CCDC30: variants seen among roughly 807,000 people sequenced by gnomAD.
CCDC30 encodes coiled-coil domain-containing protein 30.
CCDC30 carries 70 observed loss-of-function variants against 100.2 expected under a neutral mutation model. That is an observed-to-expected ratio of 0.70 (90% CI 0.58 to 0.85). The LOEUF is 0.85. CCDC30 is among the 40% of genes least tolerant of loss of function. The probability of loss-of-function intolerance (pLI) is 0.00; values close to 1 mark genes in which losing one functional copy is unlikely to be tolerated. For missense variants in CCDC30, 652 were observed against 771.2 expected, an observed-to-expected ratio of 0.85 and a Z score of 1.83; for synonymous variants, 233 against 269.5, an observed-to-expected ratio of 0.86 and a Z score of 1.33.
At chr1:42,563,404 A>G (rs112608634) in intron 6 of CCDC30, among the ~76,000 whole-genome samples, 1,837 of 151,954 alleles carry the variant, frequency 0.012, 30 homozygotes, top group African/African-American at 0.041. Flanking sequence ...GGAGTTGAAC[A>G]TTGAGAATAC....
chr1:42,531,229 C>A (rs1207092460), intron 6 of CCDC30, among the ~76,000 whole-genome samples: 1 of 152,078 alleles, frequency 6.6e-6, no homozygotes, highest in Non-Finnish European at 1.5e-5. Flanking sequence ...GTAACACGTG[C>A]CTCCTTCCTC....
At chr1:42,469,984 C>A (rs1219337618) in intron 1 of CCDC30, among the ~76,000 whole-genome samples, 3 of 152,100 alleles carry the variant, frequency 2.0e-5, no homozygotes, top group Non-Finnish European at 2.9e-5. Context: ...GATTTGCATG[C>A]CTGTTTGATT....
At chr1:42,505,085 A>G (rs1644375073) in intron 6 of CCDC30, among the ~76,000 whole-genome samples, 1 of 152,268 alleles carries the variant, frequency 6.6e-6, no homozygotes, top group Admixed American at 6.5e-5. Context: ...TACCACAAAT[A>G]GTAGAGTGTG....
intron 15 of CCDC30, among the ~76,000 whole-genome samples, chr1:42,647,986 G>A (rs1460484145): frequency 6.6e-6 from 1 of 152,178 alleles, no homozygotes; most frequent in Non-Finnish European, 1.5e-5. Flanking sequence ...TGTTGCCCAG[G>A]TTGGAGTGCA....
intron 6 of CCDC30, among the ~76,000 whole-genome samples, chr1:42,499,135 T>C (rs1435299094): frequency 1.3e-5 from 2 of 152,336 alleles, no homozygotes; most frequent in East Asian, 1.9e-4. Flanking sequence ...TTGGAGAATA[T>C]AGTAGATTGT....
chr1:42,523,854 G>C (rs1644684990), intron 6 of CCDC30, among the ~76,000 whole-genome samples: 2 of 152,054 alleles, frequency 1.3e-5, no homozygotes. Context: ...TCTTCTGCCT[G>C]CTCAAATTTG....
chr1:42,519,948 G>GT (rs1644611615), intron 6 of CCDC30, among the ~76,000 whole-genome samples: 2 of 152,154 alleles, frequency 1.3e-5, no homozygotes, highest in Admixed American at 1.3e-4. Context: ...TATTTCTCTA[G>GT]TATCTGTTGT....
At chr1:42,485,608 A>G (rs1557798767) in intron 3 of CCDC30, among the ~76,000 whole-genome samples, 1 of 152,108 alleles carries the variant, frequency 6.6e-6, no homozygotes, top group East Asian at 1.9e-4. Context: ...GTAGTAGGCG[A>G]TGATTGTTCC....
chr1:42,637,634 T>A (rs548194588), intron 12 of CCDC30, among the ~76,000 whole-genome samples: 54 of 152,346 alleles, frequency 3.5e-4, no homozygotes, highest in African/African-American at 1.3e-3. Context: ...TTTCTTCAGA[T>A]GGAAATGCCT....
chr1:42,556,310 G>A (rs747472630), intron 6 of CCDC30: 2 of 1,613,902 alleles, frequency 1.2e-6, no homozygotes, highest in Admixed American at 1.7e-5. Flanking sequence ...GAAGCCTGAG[G>A]AAATTGTGAG....
In CCDC30 at chr1:42,565,142, G is replaced by A. The variant is rs144301638; in HGVS notation, c.457-1154G>A. On this transcript the variant is annotated intron_variant, in intron 6 of 16. Coordinates refer to ENST00000668663, the Ensembl canonical transcript of CCDC30. ...TGGAAAATGTTTCACATTTTTCTTGGCAAAGATTTTTTGGATGTGACTCTA... is the reference window on the plus strand; with the variant it reads ...TGGAAAATGTTTCACATTTTTCTTGACAAAGATTTTTTGGATGTGACTCTA... Among the ~76,000 whole-genome samples the A allele has an allele frequency of 3.0e-4, 45 of 152,048 alleles. No homozygotes were observed. In the East Asian group the frequency reaches 8.3e-3, roughly 28 times the overall value.
chr1:42,604,408 G>A (rs1186636568), intron 10 of CCDC30, among the ~76,000 whole-genome samples: 1 of 152,214 alleles, frequency 6.6e-6, no homozygotes, highest in Admixed American at 6.5e-5. Flanking sequence ...TCCTCAGGTT[G>A]AAAGCCAGTA....
chr1:42,545,565 G>A (rs375813535), intron 6 of CCDC30: 2 of 1,603,710 alleles, frequency 1.2e-6, no homozygotes, highest in Non-Finnish European at 1.7e-6. Flanking sequence ...GAAAGGAAGA[G>A]ACAGAGGAAC....
intron 7 of CCDC30, among the ~76,000 whole-genome samples, chr1:42,573,832 A>G (rs929487514): frequency 1.3e-5 from 2 of 152,138 alleles, no homozygotes; most frequent in African/African-American, 4.8e-5. Context: ...TGACAAATAC[A>G]TGTTGAATTT....
In CCDC30 at chr1:42,639,952, G is replaced by A. The variant is rs888166573; in HGVS notation, c.1420-2521G>A. Among the ~76,000 whole-genome samples, 6 of 130,244 alleles carry A rather than the reference G, an allele frequency of 4.6e-5. No homozygotes were observed. In the Admixed American group the frequency reaches 4.9e-4, roughly 11 times the overall value. 85.4% of individuals were successfully genotyped at this position (130,244 alleles called of 152,430 possible). ...TTGCACTCCAGCTTAGGTGAAAAGA[G>A]TGAAACTTCGTCTCAAAAAAAAAAA... On this transcript the variant is annotated intron_variant, in intron 12 of 16. Coordinates refer to ENST00000668663, the Ensembl canonical transcript of CCDC30.
chr1:42,473,009 C>G (rs966467078), intron 1 of CCDC30: 3 of 995,760 alleles, frequency 3.0e-6, no homozygotes, highest in Admixed American at 4.5e-5. Flanking sequence ...TGCTAGTACC[C>G]TAAAGACTAG....
intron 6 of CCDC30, among the ~76,000 whole-genome samples, chr1:42,512,544 A>T (rs1298827612): frequency 6.6e-6 from 1 of 152,188 alleles, no homozygotes; most frequent in Non-Finnish European, 1.5e-5. Flanking sequence ...GCCTAACAGG[A>T]TCACTTCCCT....
chr1:42,564,764 C>T (rs1645571524), intron 6 of CCDC30, among the ~76,000 whole-genome samples: 1 of 152,156 alleles, frequency 6.6e-6, no homozygotes, highest in South Asian at 2.1e-4. Context: ...TCACTATGTA[C>T]ATATCCAGAA....
chr1:42,486,588 G>A (rs1323404972), intron 3 of CCDC30, among the ~76,000 whole-genome samples: 1 of 152,198 alleles, frequency 6.6e-6, no homozygotes, highest in Non-Finnish European at 1.5e-5. Context: ...ACAGTTCACT[G>A]CTGGAGACAT....
Sources: gnomAD v4.1 joint callset for allele counts (sites outside exome capture counted in the v4.1 genomes callset) on GRCh38, gnomAD v4.1.1 for gene constraint, MANE v1.5 for transcripts, NCBI Gene and HGNC (gene_info 2026-07-23, HGNC 2026-07-21) for gene names.